CSMD1: variants seen among roughly 807,000 people sequenced by gnomAD.
The protein encoded by CSMD1 is CUB and sushi domain-containing protein 1.
CSMD1 carries 213 observed loss-of-function variants against 417.5 expected under a neutral mutation model. The observed-to-expected ratio is 0.51, with a 90% CI of 0.46 to 0.57. CSMD1 has a LOEUF of 0.57. Ranked by LOEUF, CSMD1 falls within the 20% of genes least tolerant of loss-of-function variation. The pLI is 0.00. For missense variants in CSMD1, 6,923 were observed against 4,529.7 expected, an observed-to-expected ratio of 1.53 and a Z score of -15.17; for synonymous variants, 2,862 against 1,736.8, an observed-to-expected ratio of 1.65 and a Z score of -16.11.
intron 26 of CSMD1, among the ~76,000 whole-genome samples, chr8:3,271,075 C>A (rs1271046336): frequency 8.5e-6 from 1 of 118,158 alleles, no homozygotes; most frequent in African/African-American, 3.2e-5. Flanking sequence ...CTGTCCTTCC[C>A]CCCTCCCCCC....
chr8:4,853,618 G>C (rs965247511), intron 1 of CSMD1, among the ~76,000 whole-genome samples: 1 of 152,220 alleles, frequency 6.6e-6, no homozygotes, highest in Non-Finnish European at 1.5e-5. Context: ...AAAGGGAAAT[G>C]TGGCATTGGA....
At chr8:4,160,816 G>C (rs1038383833) in intron 3 of CSMD1, among the ~76,000 whole-genome samples, 2 of 152,194 alleles carry the variant, frequency 1.3e-5, no homozygotes, top group Non-Finnish European at 2.9e-5. Context: ...GTAAATATCA[G>C]AAAAGAAGAA....
chr8:4,271,345 G>T (rs1472027271), intron 3 of CSMD1, among the ~76,000 whole-genome samples: 4 of 152,040 alleles, frequency 2.6e-5, no homozygotes, highest in Admixed American at 6.6e-5. Flanking sequence ...AGAAACACTG[G>T]CAGTGCTTGG....
At chr8:4,659,858 A>C (rs1027793222) in intron 1 of CSMD1, among the ~76,000 whole-genome samples, 10 of 152,250 alleles carry the variant, frequency 6.6e-5, no homozygotes, top group African/African-American at 1.9e-4. Context: ...CTAAACAATA[A>C]AAATCAAATA....
intron 19 of CSMD1, 22 bp from the exon 20 acceptor site, chr8:3,367,269 G>A (rs762421312): frequency 1.3e-6 from 2 of 1,527,058 alleles, no homozygotes; most frequent in East Asian, 2.4e-5. Context: ...AGCCGGGGGA[G>A]AGAGAGAGAG....
At chr8:4,227,174 C>G (rs1050966427) in intron 3 of CSMD1, among the ~76,000 whole-genome samples, 8 of 152,112 alleles carry the variant, frequency 5.3e-5, no homozygotes, top group Non-Finnish European at 4.4e-5. Flanking sequence ...TTTGCCTGCC[C>G]TCATGGTTGC....
chr8:4,444,709 C>G (rs143729130), intron 2 of CSMD1, among the ~76,000 whole-genome samples: 2 of 152,288 alleles, frequency 1.3e-5, no homozygotes, highest in East Asian at 3.9e-4. Context: ...ACTCTAAGCA[C>G]AGGTGCATGA....
intron 8 of CSMD1, among the ~76,000 whole-genome samples, chr8:3,588,433 C>G (rs1800698532): frequency 6.6e-6 from 1 of 152,034 alleles, no homozygotes; most frequent in South Asian, 2.1e-4. Flanking sequence ...ATCCCCTTAA[C>G]CTGAGGCACT....
intron 2 of CSMD1, among the ~76,000 whole-genome samples, chr8:4,586,392 TTA>T (rs778747119): frequency 6.6e-6 from 1 of 152,188 alleles, no homozygotes; most frequent in Non-Finnish European, 1.5e-5. Context: ...ACATAAACTG[TTA>T]AAGTCACAGA....
intron 6 of CSMD1, among the ~76,000 whole-genome samples, chr8:3,746,799 G>T (rs1353065953): frequency 6.6e-6 from 1 of 151,968 alleles, no homozygotes; most frequent in Non-Finnish European, 1.5e-5. Context: ...TTAATATACC[G>T]AGAGAAACAA....
chr8:4,291,612 T>A (rs950957509), intron 3 of CSMD1, among the ~76,000 whole-genome samples: 3 of 152,212 alleles, frequency 2.0e-5, no homozygotes, highest in Admixed American at 1.3e-4. Flanking sequence ...TCATTTTTCT[T>A]GTGATATGTT....
rs73660731 is a variant in CSMD1 at position 4,283,830 on chromosome 8, C to T, written c.415+136123G>A. 8.4e-3 allele frequency among the ~76,000 whole-genome samples: 1,282 copies of T among 152,292 alleles called. 14 individuals carry two copies. Among genetic ancestry groups the T allele is most frequent in the African/African-American group, 0.03 (1,236 of 41,558 alleles). On this transcript the variant is annotated intron_variant, in intron 3 of 69. Transcript: ENST00000635120. ...TACCCACCTATAAAATCCTACTCTG[C>T]CCCAGAAGCATGGCTAACAGTTTCA...
chr8:4,899,112 G>A (rs538322734), intron 1 of CSMD1, among the ~76,000 whole-genome samples: 1 of 152,118 alleles, frequency 6.6e-6, no homozygotes, highest in Non-Finnish European at 1.5e-5. Flanking sequence ...AATCTGAAAT[G>A]GTAATTTGGT....
chr8:3,222,859 C>T (rs1397062578), intron 28 of CSMD1, among the ~76,000 whole-genome samples: 1 of 152,166 alleles, frequency 6.6e-6, no homozygotes, highest in Non-Finnish European at 1.5e-5. Flanking sequence ...TCTACTGACT[C>T]AGATCTCATC....
chr8:3,740,557 C>T (rs1796747318), intron 6 of CSMD1, among the ~76,000 whole-genome samples: 1 of 152,052 alleles, frequency 6.6e-6, no homozygotes, highest in African/African-American at 2.4e-5. Flanking sequence ...ATTTCTGCCA[C>T]AGGGAAAGTT....
chr8:3,001,888 T>A (rs921933527), intron 52 of CSMD1, among the ~76,000 whole-genome samples: 1 of 152,192 alleles, frequency 6.6e-6, no homozygotes, highest in African/African-American at 2.4e-5. Flanking sequence ...ATTAAGTATA[T>A]CCTTCTAGGG....
intron 3 of CSMD1, among the ~76,000 whole-genome samples, chr8:4,104,270 T>C (rs1488641276): frequency 6.6e-6 from 1 of 152,230 alleles, no homozygotes; most frequent in Non-Finnish European, 1.5e-5. Context: ...TCTCACTCCA[T>C]CTTTTCTTTT....
At chr8:3,524,720 GCA>G (rs199781035) in intron 10 of CSMD1, among the ~76,000 whole-genome samples, 3,533 of 136,778 alleles carry the variant, frequency 0.026, 72 homozygotes, top group African/African-American at 0.056. Context: ...GCACATACAT[GCA>G]CACACACACA....
intron 9 of CSMD1, among the ~76,000 whole-genome samples, chr8:3,582,635 G>T (rs78047212): frequency 1.1e-3 from 174 of 152,258 alleles, no homozygotes; most frequent in African/African-American, 4.1e-3. Context: ...AATGCAGCTG[G>T]TCTGAGATGA....
Sources: gnomAD v4.1 joint callset for allele counts (sites outside exome capture counted in the v4.1 genomes callset) on GRCh38, gnomAD v4.1.1 for gene constraint, MANE v1.5 for transcripts, NCBI Gene and HGNC (gene_info 2026-07-23, HGNC 2026-07-21) for gene names.